Variants in RO60 observed in about 807,000 individuals in gnomAD.
The protein encoded by RO60 is Ro60, Y RNA binding protein, also known as RNA-binding protein RO60.
RO60 carries 20 observed loss-of-function variants against 55.3 expected under a neutral mutation model. The ratio of observed to expected loss-of-function variants is 0.36; its 90% CI spans 0.25 to 0.53. The LOEUF (loss-of-function observed/expected upper bound fraction) is 0.53, where lower values mean the gene tolerates loss of function less well. RO60 is among the 20% of genes least tolerant of loss of function. RO60 has a pLI of 0.92. For missense variants in RO60, 558 were observed against 646.6 expected, an observed-to-expected ratio of 0.86 and a Z score of 1.49; for synonymous variants, 213 against 213.6, an observed-to-expected ratio of 1.00 and a Z score of 0.02.
chr1:193,074,148 T>G (rs1330091048), intron 2 of RO60, among the ~76,000 whole-genome samples: 1 of 152,230 alleles, frequency 6.6e-6, no homozygotes, highest in Admixed American at 6.5e-5. Flanking sequence ...GCTGGACATT[T>G]GGGCTGGTTC....
At position 193,069,654 on chromosome 1, in the gene RO60, T is replaced by C; in HGVS notation, c.580+20T>C. The C allele has an allele frequency of 6.3e-7, 1 of 1,579,654 alleles. No individual in the cohort carries two copies. The highest frequency in any genetic ancestry group is 8.6e-7 in the Non-Finnish European group (1 of 1,156,232). On this transcript the variant is annotated intron_variant, in intron 2 of 8. Transcript: ENST00000400968. ...GTGAAGGTAAGCATAAGATCTTCAT[T>C]GGGAAGAAGGGTGGGTAAGGGATAT...
chr1:193,079,961 TAA>T (rs754439147), intron 5 of RO60, among the ~76,000 whole-genome samples: 59 of 115,532 alleles, frequency 5.1e-4, no homozygotes, highest in Admixed American at 7.1e-4. Flanking sequence ...ACCCCGTCTC[TAA>T]AAAAAAAAAA....
rs1171961869 is a variant in RO60 at position 193,089,183 on chromosome 1, TTA to T, written c.*4454_*4455del. ...AAGATCAGTTATTCAGCCTTTGTAA[TTA>T]TGTTATCTAGCTATGTTGAAAAGAT... On this transcript the variant is annotated 3_prime_UTR_variant, in exon 9 of 9. Transcript: ENST00000400968. The T allele has an allele frequency of 6.6e-6, 1 of 152,218 alleles. No homozygotes were observed. Among genetic ancestry groups the T allele is most frequent in the African/African-American group, 2.4e-5 (1 of 41,462 alleles). 9.4% of individuals were successfully genotyped at this position (152,218 alleles called of 1,614,324 possible). A position where few individuals can be genotyped will look rare whatever the true frequency, so the allele number is the denominator to read the frequency against.
At chr1:193,061,393 A>AGTC (rs1672707495) in intron 1 of RO60, among the ~76,000 whole-genome samples, 1 of 152,232 alleles carries the variant, frequency 6.6e-6, no homozygotes, top group Non-Finnish European at 1.5e-5. Context: ...ACTTCATTTA[A>AGTC]AAAGGAATAA....
chr1:193,059,970 G>A lies in RO60; in HGVS notation c.-22+194G>A. 7.3e-7 allele frequency: 1 copy of A among 1,366,410 alleles called. No homozygotes were observed. Among genetic ancestry groups the A allele is most frequent in the Middle Eastern group, 2.1e-4 (1 of 4,762 alleles). The allele number at this position is 1,366,410 out of a possible 1,614,324, so 84.6% of individuals were successfully genotyped here. ...GTAACGGAACCAGCATCGCGGTAGGGACATCCTCGCTAGGCCCGGCCGGAC... is the reference window on the plus strand; with the variant it reads ...GTAACGGAACCAGCATCGCGGTAGGAACATCCTCGCTAGGCCCGGCCGGAC... On this transcript the variant is annotated intron_variant, in intron 1 of 8. Transcript: ENST00000400968. This position sits in a 1 kb window ranked among gnomAD's most constrained non-coding sequence, Gnocchi z 4.9.
chr1:193,091,604 T>C (rs1674861187), downstream of RO60: 4 of 1,501,612 alleles, frequency 2.7e-6, no homozygotes, highest in Non-Finnish European at 2.8e-6. Context: ...TGTTTCATGA[T>C]AAAACAGTTT....
intron 2 of RO60, among the ~76,000 whole-genome samples, 163 bp from the exon 3 acceptor site, chr1:193,075,657 C>T (rs890639407): frequency 3.3e-5 from 5 of 152,024 alleles, no homozygotes; most frequent in Non-Finnish European, 7.4e-5. Flanking sequence ...TTAATTCACC[C>T]CATTTGCTTA....
Position 193,088,886 on chromosome 1 carries a change from A to C in RO60, c.*4155A>C, listed in dbSNP as rs1674740393. On this transcript the variant is annotated 3_prime_UTR_variant, in exon 9 of 9. Coordinates refer to ENST00000400968, the MANE Select transcript of RO60 (RefSeq NM_001173524.2). Reference sequence around the variant, plus strand: ...TTTCTACCTCTTTTTTTTCTTTTAAAATTCCTTTCTTACATTTCTGTTGTT... The same window carrying C: ...TTTCTACCTCTTTTTTTTCTTTTAACATTCCTTTCTTACATTTCTGTTGTT... 1 of 152,022 alleles carries C rather than the reference A, an allele frequency of 6.6e-6. No homozygotes were observed. Among genetic ancestry groups the C allele is most frequent in the African/African-American group, 2.4e-5 (1 of 41,388 alleles). The allele number at this position is 152,022 out of a possible 1,614,324, so 9.4% of individuals were successfully genotyped here.
intron 2 of RO60, among the ~76,000 whole-genome samples, chr1:193,075,159 G>C (rs1673819006): frequency 6.6e-6 from 1 of 152,076 alleles, no homozygotes; most frequent in South Asian, 2.1e-4. Context: ...GTGAAACTAA[G>C]ACCTAGAAAG....
intron 1 of RO60, among the ~76,000 whole-genome samples, chr1:193,062,109 T>C (rs553843165): frequency 3.5e-4 from 54 of 152,302 alleles, no homozygotes; most frequent in African/African-American, 1.2e-3. Flanking sequence ...GAGCACTAGA[T>C]AGATAGGTCA....
At chr1:193,074,924 A>C (rs534737729) in intron 2 of RO60, among the ~76,000 whole-genome samples, 2 of 152,182 alleles carry the variant, frequency 1.3e-5, no homozygotes, top group Non-Finnish European at 2.9e-5. Flanking sequence ...GGTGTAAGGA[A>C]GGGATCCAGT....
intron 5 of RO60, among the ~76,000 whole-genome samples, chr1:193,080,768 AC>A: frequency 6.6e-6 from 1 of 152,220 alleles, no homozygotes; most frequent in Non-Finnish European, 1.5e-5. Flanking sequence ...ACAAACAAGG[AC>A]AAGTATTGTA....
At chr1:193,070,575 C>T (rs1232649821) in intron 2 of RO60, 22 of 445,976 alleles carry the variant, frequency 4.9e-5, no homozygotes, top group Non-Finnish European at 6.3e-5. Context: ...AAGACAGCCA[C>T]TCAGAAGGGT....
At position 193,085,639 on chromosome 1, in the gene RO60, T is replaced by C. The variant is rs12136893; in HGVS notation, c.*908T>C. The C allele has an allele frequency of 0.043, 42,613 of 983,844 alleles. 987 individuals carry two copies. The highest frequency in any genetic ancestry group is 0.046 in the Non-Finnish European group (37,775 of 828,538). The allele number at this position is 983,844 out of a possible 1,614,324, so 60.9% of individuals were successfully genotyped here. On this transcript the variant is annotated 3_prime_UTR_variant, in exon 9 of 9. Transcript: ENST00000400968. Reference sequence around the variant, plus strand: ...AGTATAACAATTAAAATCTCAACTATAACCAGTTTAGCTTTTTCCTTACTT... The same window carrying C: ...AGTATAACAATTAAAATCTCAACTACAACCAGTTTAGCTTTTTCCTTACTT...
At position 193,075,843 on chromosome 1, in the gene RO60, A is replaced by T; in HGVS notation, c.604A>T (p.Ile202Phe). ...SEGLAIVTKYITKGWKEVHEL... is the reference protein window; with the variant it reads ...SEGLAIVTKYFTKGWKEVHEL... ...AGGACTTGCAATTGTGACCAAATATATTACAAAGGGCTGGAAAGAAGTTCA... is the reference window on the plus strand; with the variant it reads ...AGGACTTGCAATTGTGACCAAATATTTTACAAAGGGCTGGAAAGAAGTTCA... The change falls in exon 3 of 9, where the codon ATT (isoleucine) becomes TTT (phenylalanine). Residue 202 changes from isoleucine to phenylalanine, a missense_variant. Physicochemically the swap from Ile to Phe is conservative, Grantham distance 21. Transcript: ENST00000400968. The T allele has an allele frequency of 6.2e-7, 1 of 1,607,392 alleles. No individual in the cohort carries two copies. Among genetic ancestry groups the T allele is most frequent in the Non-Finnish European group, 8.5e-7 (1 of 1,177,896 alleles).
In RO60 at chr1:193,085,355, T is replaced by C. The variant is rs10801173; in HGVS notation, c.*624T>C. The C allele has an allele frequency of 0.7, 697,926 of 1,000,136 alleles. 245,583 individuals are homozygous for C. The highest frequency in any genetic ancestry group is 0.72 in the Non-Finnish European group (601,622 of 839,536). 62.0% of individuals were successfully genotyped at this position (1,000,136 alleles called of 1,614,324 possible). A position where few individuals can be genotyped will look rare whatever the true frequency, so the allele number is the denominator to read the frequency against. On this transcript the variant is annotated 3_prime_UTR_variant, in exon 9 of 9. Coordinates refer to ENST00000400968, the MANE Select transcript of RO60 (RefSeq NM_001173524.2). ...TTATTTCTGATGTTTTATTTGCACT[T>C]GTGGAATATGTTACCATTAATCAGA...
rs571625563 is a variant in RO60, at chr1:193,088,020, C to CTT, written c.*3298_*3299dup. 0.013 allele frequency: 1,916 copies of CTT among 148,932 alleles called. 20 individuals are homozygous for CTT. Among genetic ancestry groups the CTT allele is most frequent in the South Asian group, 0.034 (160 of 4,696 alleles). The allele number at this position is 148,932 out of a possible 1,614,324, so 9.2% of individuals were successfully genotyped here. A position where few individuals can be genotyped will look rare whatever the true frequency, so the allele number is the denominator to read the frequency against. On this transcript the variant is annotated 3_prime_UTR_variant, in exon 9 of 9. Transcript: ENST00000400968. ...ACTCTGAGGAAATGCTGTTAACAAA[C>CTT]TTTTTTTTTTGAGACAGGCTATCCC...
intron 8 of RO60, 83 bp downstream of exon 8, chr1:193,082,791 A>C: frequency 8.4e-7 from 1 of 1,190,776 alleles, no homozygotes; most frequent in Non-Finnish European, 1.1e-6. Context: ...TGGAGACAGG[A>C]CCTCATTCTG....
chr1:193,083,675 G>A (rs983205486), intron 8 of RO60, among the ~76,000 whole-genome samples: 1 of 152,246 alleles, frequency 6.6e-6, no homozygotes, highest in African/African-American at 2.4e-5. Context: ...CGTTGGGACT[G>A]TGTTTTAACA....
Sources: gnomAD v4.1 joint callset for allele counts (sites outside exome capture counted in the v4.1 genomes callset) on GRCh38, gnomAD v4.1.1 for gene constraint, Gnocchi (gnomAD v3.1) non-coding constraint, MANE v1.5 for transcripts, NCBI Gene and HGNC (gene_info 2026-07-23, HGNC 2026-07-21) for gene names.